Variants in PTK2B observed in about 807,000 individuals in gnomAD.
PTK2B encodes protein-tyrosine kinase 2-beta.
PTK2B carries 71 observed loss-of-function variants against 142.9 expected under a neutral mutation model. That is an observed-to-expected ratio of 0.50 (90% CI 0.41 to 0.61). The LOEUF is 0.61. PTK2B is among the 20% of genes least tolerant of loss of function. PTK2B has a pLI of 0.00. For missense variants in PTK2B, 1,105 were observed against 1,320.4 expected, an observed-to-expected ratio of 0.84 and a Z score of 2.53; for synonymous variants, 519 against 503.4, an observed-to-expected ratio of 1.03 and a Z score of -0.42.
intron 21 of PTK2B, 37 bp downstream of exon 21, chr8:27,440,478 C>G (rs760138470): frequency 3.1e-6 from 5 of 1,597,984 alleles, no homozygotes; most frequent in Non-Finnish European, 4.3e-6. Flanking sequence ...TGGGGGCCCA[C>G]CCGGCTGCAC....
At chr8:27,352,048 C>T (rs1359323665) in intron 1 of PTK2B, among the ~76,000 whole-genome samples, 1 of 152,208 alleles carries the variant, frequency 6.6e-6, no homozygotes, top group Non-Finnish European at 1.5e-5. Flanking sequence ...GAGCTGACAG[C>T]AGCGGCTCTG....
In PTK2B at chr8:27,451,470, T is replaced by C. The variant is rs377231740; in HGVS notation, c.2524-15T>C. 253 of 1,613,902 alleles carry C rather than the reference T, an allele frequency of 1.6e-4. No individual in the cohort carries two copies. The African/African-American group carries it at 3.2e-3, about 21-fold the overall frequency. On this transcript the variant is annotated splice_polypyrimidine_tract_variant and intron_variant, in intron 26 of 30. Transcript: ENST00000346049. ...GCATGAGTGACGTTCCTGTTCTCTT[T>C]CCTCCTTCCTCCAGACGCCAGAGAA...
At chr8:27,312,826 C>T (rs548637883) in intron 2 of PTK2B, among the ~76,000 whole-genome samples, 14 of 152,312 alleles carry the variant, frequency 9.2e-5, no homozygotes, top group Non-Finnish European at 1.9e-4. Flanking sequence ...AATTATCTGA[C>T]CTACCTTGTT....
In PTK2B at chr8:27,333,682, C is replaced by T. The variant is rs545812995; in HGVS notation, c.-38+8001C>T. ...CCATATTCTTGATTCCCAGCCTGGC[C>T]GCTTCCCCCTGGGCCTCCCCTCTGC... On this transcript the variant is annotated intron_variant, in intron 1 of 30. Transcript: ENST00000346049. 8.5e-5 allele frequency among the ~76,000 whole-genome samples: 13 copies of T among 152,182 alleles called. 1 individual carries two copies. The East Asian group carries it at 2.1e-3, about 25-fold the overall frequency.
chr8:27,311,411 C>T (rs1467716944), upstream of PTK2B: 8 of 792,188 alleles, frequency 1.0e-5, no homozygotes, highest in East Asian at 3.0e-5. Flanking sequence ...AGGGAGGGGG[C>T]GCTCGGAGGA....
In PTK2B at chr8:27,363,598, C is replaced by T. The variant is rs966751306; in HGVS notation, c.-37-33950C>T. Among the ~76,000 whole-genome samples, 1 of 152,148 alleles carries T rather than the reference C, an allele frequency of 6.6e-6. No individual in the cohort carries two copies. The highest frequency in any genetic ancestry group is 1.5e-5 in the Non-Finnish European group (1 of 68,014). The stretch of plus-strand genomic sequence containing the variant: ...TGACTGCTCTTGCTGCTCTGAGCCT[C>T]TTGATTCTGATTTGGGTCTACCCCT... On this transcript the variant is annotated intron_variant, in intron 1 of 30. Transcript: ENST00000346049. The surrounding 1 kb of genome is among the most constrained non-coding windows in gnomAD (Gnocchi z 4.3).
chr8:27,356,710 G>T (rs1478895629), intron 1 of PTK2B, among the ~76,000 whole-genome samples: 1 of 152,218 alleles, frequency 6.6e-6, no homozygotes, highest in East Asian at 1.9e-4. Flanking sequence ...TTCACACCAT[G>T]AAATACTACT....
chr8:27,321,521 C>T (rs76595062), upstream of PTK2B, among the ~76,000 whole-genome samples: 2,154 of 152,228 alleles, frequency 0.014, 55 homozygotes, highest in African/African-American at 0.049. Flanking sequence ...GGTGGCTGGA[C>T]GGCATTAGGT....
chr8:27,339,974 G>C (rs1298222808), intron 1 of PTK2B, among the ~76,000 whole-genome samples: 6 of 152,212 alleles, frequency 3.9e-5, no homozygotes, highest in African/African-American at 1.4e-4. Flanking sequence ...ATCCTAGCAG[G>C]TGGCTGTTTT....
At chr8:27,396,439 T>G (rs374940007) in intron 1 of PTK2B, 2 of 152,324 alleles carry the variant, frequency 1.3e-5, no homozygotes, top group African/African-American at 2.4e-5. Flanking sequence ...AGAAGGGGTT[T>G]CAGGATAAGA....
At chr8:27,456,528 G>C (rs1415983853) in intron 30 of PTK2B, among the ~76,000 whole-genome samples, 2 of 152,026 alleles carry the variant, frequency 1.3e-5, no homozygotes, top group African/African-American at 4.8e-5. Flanking sequence ...CTCTCCTTGG[G>C]CCTCCCTTTT....
intron 20 of PTK2B, among the ~76,000 whole-genome samples, chr8:27,439,993 C>T (rs1301059161): frequency 2.0e-5 from 3 of 152,202 alleles, no homozygotes; most frequent in African/African-American, 4.8e-5. Flanking sequence ...ATGACTGCCA[C>T]CTCTTGATCC....
At chr8:27,434,063 C>T in intron 11 of PTK2B, 30 bp from the exon 12 acceptor site, 1 of 1,613,560 alleles carries the variant, frequency 6.2e-7, no homozygotes, top group Non-Finnish European at 8.5e-7. Flanking sequence ...GTCCCCAGCT[C>T]CAACCTCCTC....
intron 10 of PTK2B, 170 bp from the exon 11 acceptor site, chr8:27,433,265 G>A: frequency 1.6e-6 from 1 of 633,884 alleles, no homozygotes; most frequent in South Asian, 1.8e-5. Flanking sequence ...AGGTGAAAGG[G>A]GTGACAGAGT....
intron 5 of PTK2B, 64 bp from the exon 6 acceptor site, chr8:27,430,029 G>T (rs1318324449): frequency 2.7e-6 from 4 of 1,471,544 alleles, no homozygotes; most frequent in Non-Finnish European, 3.8e-6. Context: ...GGCATGAGGT[G>T]CCCTGGGTCT....
intron 1 of PTK2B, among the ~76,000 whole-genome samples, chr8:27,326,424 C>A (rs1464421884): frequency 6.6e-6 from 1 of 152,194 alleles, no homozygotes; most frequent in Non-Finnish European, 1.5e-5. Flanking sequence ...AGCCCTGCCA[C>A]CTGCCCTAAG....
At chr8:27,452,847 C>G in intron 27 of PTK2B, 1 of 543,926 alleles carries the variant, frequency 1.8e-6, no homozygotes, top group Middle Eastern at 4.8e-4. Flanking sequence ...AAGCCCAAGC[C>G]AGAGCTGGGG....
intron 5 of PTK2B, among the ~76,000 whole-genome samples, chr8:27,425,839 C>A (rs1325818192): frequency 6.6e-6 from 1 of 152,172 alleles, no homozygotes; most frequent in Non-Finnish European, 1.5e-5. Context: ...ATAGTTTTGC[C>A]TTTTCCAGAA....
chr8:27,453,307 G>T, intron 28 of PTK2B, 147 bp downstream of exon 28: 2 of 1,050,400 alleles, frequency 1.9e-6, no homozygotes, highest in Admixed American at 2.3e-5. Context: ...TAGGGGGCGG[G>T]TGGCGGGGTG....
Sources: allele counts gnomAD v4.1 joint callset (sites outside exome capture counted in the v4.1 genomes callset), GRCh38; gene constraint gnomAD v4.1.1; non-coding constraint Gnocchi (gnomAD v3.1); transcripts MANE v1.5; gene names NCBI Gene and HGNC (gene_info 2026-07-23, HGNC 2026-07-21).